Variants in ST18 observed in about 807,000 individuals in gnomAD.
ST18 encodes the protein suppression of tumorigenicity 18 protein.
A neutral mutation model predicts 110.0 loss-of-function variants in ST18; 50 were observed. That is an observed-to-expected ratio of 0.45 (90% CI 0.36 to 0.58). ST18 has a LOEUF of 0.58. Ranked by LOEUF, ST18 falls within the 20% of genes least tolerant of loss-of-function variation. The pLI is 0.00. For missense variants in ST18, 1,306 were observed against 1,280.1 expected, an observed-to-expected ratio of 1.02 and a Z score of -0.31; for synonymous variants, 461 against 452.4, an observed-to-expected ratio of 1.02 and a Z score of -0.24.
At chr8:52,269,550 T>C (rs981034993) in intron 2 of ST18, among the ~76,000 whole-genome samples, 4 of 152,200 alleles carry the variant, frequency 2.6e-5, no homozygotes, top group Admixed American at 1.3e-4. Context: ...GGTGACTCCA[T>C]GCAACCAGAA....
intron 2 of ST18, among the ~76,000 whole-genome samples, chr8:52,340,077 T>C (rs939722913): frequency 2.6e-5 from 4 of 152,264 alleles, no homozygotes; most frequent in African/African-American, 9.6e-5. Flanking sequence ...AAAGTCTTAT[T>C]TCTTCATATA....
intron 3 of ST18, among the ~76,000 whole-genome samples, chr8:52,227,189 T>TA (rs926324535): frequency 1.3e-5 from 2 of 152,192 alleles, no homozygotes; most frequent in African/African-American, 2.4e-5. Flanking sequence ...TAAAGATTTT[T>TA]AAAAAATACA....
intron 2 of ST18, among the ~76,000 whole-genome samples, chr8:52,353,312 C>T (rs1229424172): frequency 6.6e-6 from 1 of 152,164 alleles, no homozygotes; most frequent in Non-Finnish European, 1.5e-5. Context: ...TCTTAGATGG[C>T]TCACTATAAA....
chr8:52,215,325 C>T (rs137864296), intron 6 of ST18, among the ~76,000 whole-genome samples: 14 of 152,280 alleles, frequency 9.2e-5, no homozygotes, highest in East Asian at 7.7e-4. Context: ...TGCCATTCGA[C>T]GCTCTCCAAG....
intron 12 of ST18, among the ~76,000 whole-genome samples, chr8:52,164,900 A>AT (rs1201030555): frequency 6.6e-6 from 1 of 152,164 alleles, no homozygotes; most frequent in Non-Finnish European, 1.5e-5. Context: ...CAAATATAAT[A>AT]TTTTTTCATT....
chr8:52,367,384 T>A (rs770535830), intron 2 of ST18, among the ~76,000 whole-genome samples: 1 of 152,050 alleles, frequency 6.6e-6, no homozygotes, highest in Non-Finnish European at 1.5e-5. Flanking sequence ...ATCGGTCCAC[T>A]GCACTCCAGC....
At chr8:52,124,215 G>A (rs1412457695) in intron 23 of ST18, among the ~76,000 whole-genome samples, 2 of 150,616 alleles carry the variant, frequency 1.3e-5, no homozygotes, top group Non-Finnish European at 2.9e-5. Flanking sequence ...TCACTCTGTT[G>A]CCCAGGCTGG....
intron 21 of ST18, 101 bp from the exon 22 acceptor site, chr8:52,132,280 T>C: frequency 9.5e-7 from 1 of 1,048,966 alleles, no homozygotes; most frequent in Non-Finnish European, 1.3e-6. Flanking sequence ...TAATAAAAGA[T>C]GCCACCATAA....
In ST18 at chr8:52,133,129, C is replaced by T. The variant is rs1471467697; in HGVS notation, c.2372G>A (p.Gly791Glu). 1 of 1,614,184 alleles carries T rather than the reference C, an allele frequency of 6.2e-7. No individual in the cohort carries two copies. Among genetic ancestry groups the T allele is most frequent in the South Asian group, 1.1e-5 (1 of 91,074 alleles). ...GNYASHRSLS[G>E]CPRARKGGVK... ...ACCACCTTTCCTTGCACGAGGGCAT[C>T]CGGACAAGCTGAAATAGGGACCCGA... The change falls in exon 21 of 26, where the codon GGA (glycine) becomes GAA (glutamate). Residue 791 changes from glycine (G) to glutamate (E), a missense_variant. Transcript: ENST00000689386.
At chr8:52,125,311 T>C (rs1211688777) in intron 23 of ST18, among the ~76,000 whole-genome samples, 1 of 152,046 alleles carries the variant, frequency 6.6e-6, no homozygotes, top group Non-Finnish European at 1.5e-5. Flanking sequence ...AAGAACACAA[T>C]TGAAGGATTC....
intron 2 of ST18, among the ~76,000 whole-genome samples, chr8:52,349,970 G>T (rs2140304283): frequency 6.6e-6 from 1 of 152,250 alleles, no homozygotes; most frequent in Admixed American, 6.5e-5. Flanking sequence ...TGTGCAGGGA[G>T]AAACAGAGGG....
chr8:52,205,309 A>C (rs2079565075), intron 8 of ST18, among the ~76,000 whole-genome samples: 1 of 151,950 alleles, frequency 6.6e-6, no homozygotes, highest in Non-Finnish European at 1.5e-5. Context: ...GTAAATGACT[A>C]TTACAGGCCT....
intron 2 of ST18, among the ~76,000 whole-genome samples, chr8:52,274,127 G>A (rs2095162791): frequency 6.6e-6 from 1 of 152,042 alleles, no homozygotes; most frequent in Admixed American, 6.6e-5. Context: ...AAGAAGAACA[G>A]GCCAACTGTT....
chr8:52,391,263 AC>A lies in ST18; in HGVS notation c.-465+18064del, dbSNP rs1229289531. Among the ~76,000 whole-genome samples, 4 of 152,034 alleles carry A rather than the reference AC, an allele frequency of 2.6e-5. 1 individual carries two copies. In the South Asian group the frequency reaches 6.2e-4, roughly 24 times the overall value. ...TTTCACAAATGTATCTTTGCTTGCT[AC>A]CTAGTAGCAAGCAAAGCACTGTGCC... On this transcript the variant is annotated intron_variant, in intron 2 of 25. Transcript: ENST00000689386.
At chr8:52,152,547 G>C (rs2132631404) in intron 15 of ST18, among the ~76,000 whole-genome samples, 1 of 152,298 alleles carries the variant, frequency 6.6e-6, no homozygotes, top group South Asian at 2.1e-4. Flanking sequence ...ATCGATTTCA[G>C]CCACTTTTGA....
Position 52,403,912 on chromosome 8 carries a change from C to T in ST18, c.-465+5416G>A, listed in dbSNP as rs1345156919. 5 of 152,278 alleles carry T rather than the reference C, an allele frequency of 3.3e-5. No individual in the cohort carries two copies. In the East Asian group the frequency reaches 9.7e-4, roughly 29 times the overall value. The allele number at this position is 152,278 out of a possible 1,614,324, so 9.4% of individuals were successfully genotyped here. ...GAAACACTGGTGATCAGTTACCAGG[C>T]TTTTCCCTCCTAGCAGATACCAAAC... On this transcript the variant is annotated intron_variant, in intron 2 of 25. Transcript: ENST00000689386.
At chr8:52,356,869 A>G (rs1822967583) in intron 2 of ST18, among the ~76,000 whole-genome samples, 1 of 152,204 alleles carries the variant, frequency 6.6e-6, no homozygotes, top group South Asian at 2.1e-4. Context: ...ATGGTTCAAT[A>G]GTAGATTTGA....
chr8:52,385,244 C>G (rs1301036396), intron 2 of ST18, among the ~76,000 whole-genome samples: 3 of 152,162 alleles, frequency 2.0e-5, no homozygotes, highest in Non-Finnish European at 4.4e-5. Context: ...ACATGCATCC[C>G]CAACTGTTAA....
At chr8:52,136,463 C>T in intron 19 of ST18, 127 bp downstream of exon 19, 1 of 903,180 alleles carries the variant, frequency 1.1e-6, no homozygotes, top group Non-Finnish European at 1.7e-6. Context: ...CAGAAAGTGC[C>T]TTTGCTGTGA....
Sources: gnomAD v4.1 joint callset for allele counts (sites outside exome capture counted in the v4.1 genomes callset) on GRCh38, gnomAD v4.1.1 for gene constraint, MANE v1.5 for transcripts, NCBI Gene and HGNC (gene_info 2026-07-23, HGNC 2026-07-21) for gene names.